The following GOLGA2 variants were observed in gnomAD, a reference collection of about 807,000 sequenced individuals.
GOLGA2 encodes golgin subfamily A member 2.
GOLGA2 carries 49 observed loss-of-function variants against 148.8 expected under a neutral mutation model. That is an observed-to-expected ratio of 0.33 (90% CI 0.26 to 0.42). The LOEUF (loss-of-function observed/expected upper bound fraction) is 0.42, where lower values mean the gene tolerates loss of function less well. Among genes scored for constraint, GOLGA2 ranks in the 10% least tolerant of loss-of-function variants. The probability of loss-of-function intolerance (pLI) is 1.00; values close to 1 mark genes in which losing one functional copy is unlikely to be tolerated. For missense variants in GOLGA2, 1,178 were observed against 1,304.6 expected, an observed-to-expected ratio of 0.90 and a Z score of 1.49; for synonymous variants, 501 against 511.8, an observed-to-expected ratio of 0.98 and a Z score of 0.28.
rs1004500057 is a variant in GOLGA2, at chr9:128,271,243, C to T, written c.288+1542G>A. On this transcript the variant is annotated intron_variant, in intron 3 of 26. Coordinates refer to ENST00000611957, the MANE Select transcript of GOLGA2 (RefSeq NM_001366244.2). The surrounding 1 kb of genome is among the most constrained non-coding windows in gnomAD (Gnocchi z 4.4). ...TCTAAGCCTGTGCTCCCCAGCCGTA[C>T]CACTCAGCGTCTCCTCTGAGCTGGC... Among the ~76,000 whole-genome samples, 2 of 152,156 alleles carry T rather than the reference C, an allele frequency of 1.3e-5. No individual in the cohort carries two copies. Among genetic ancestry groups the T allele is most frequent in the African/African-American group, 2.4e-5 (1 of 41,434 alleles).
rs1422189293 is a variant in GOLGA2, at chr9:128,271,049, CA to C, written c.288+1735del. 6.6e-6 allele frequency among the ~76,000 whole-genome samples: 1 copy of C among 152,072 alleles called. No homozygotes were observed. The highest frequency in any genetic ancestry group is 1.5e-5 in the Non-Finnish European group (1 of 67,990). ...AAAGAGCAAGACTCTTTCTCAAAAA[CA>C]AAAACAAAACAGCAAGAAGGAAATA... On this transcript the variant is annotated intron_variant, in intron 3 of 26. Coordinates refer to ENST00000611957, the MANE Select transcript of GOLGA2 (RefSeq NM_001366244.2). The surrounding 1 kb of genome is among the most constrained non-coding windows in gnomAD (Gnocchi z 4.4).
intron 19 of GOLGA2, among the ~76,000 whole-genome samples, chr9:128,259,822 T>G (rs572825994): frequency 7.2e-5 from 11 of 152,372 alleles, no homozygotes; most frequent in Admixed American, 7.2e-4. Context: ...GAGCCTCTTA[T>G]GCCGCTGTCT....
Position 128,261,060 on chromosome 9 carries a change from T to C in GOLGA2, c.1420+112A>G. The stretch of plus-strand genomic sequence containing the variant: ...TTGCCATCTCCTGGCACAGACCTCT[T>C]TCCCTCTGCCTCAAAGCCATTCCAT... On this transcript the variant is annotated intron_variant, in intron 17 of 26. Transcript: ENST00000611957. The surrounding 1 kb of genome is among the most constrained non-coding windows in gnomAD (Gnocchi z 5.7). The C allele has an allele frequency of 6.2e-6, 5 of 812,372 alleles. 1 individual carries two copies. The highest frequency in any genetic ancestry group is 6.5e-6 in the Non-Finnish European group (3 of 462,720). The allele number at this position is 812,372 out of a possible 1,614,324, so 50.3% of individuals were successfully genotyped here.
In GOLGA2 at chr9:128,262,536, A is replaced by C. The variant is rs1588482453; in HGVS notation, c.1134+27T>G. The stretch of plus-strand genomic sequence containing the variant: ...ATGGCCCCAGCTGGATGGCGCTCCC[A>C]CCACCCATGGGGCTGCAGCCTCTTG... On this transcript the variant is annotated intron_variant, in intron 14 of 26. Coordinates refer to ENST00000611957, the MANE Select transcript of GOLGA2 (RefSeq NM_001366244.2). The C allele has an allele frequency of 1.9e-6, 3 of 1,607,460 alleles. No homozygotes were observed. The East Asian group carries it at 6.7e-5, about 36-fold the overall frequency.
In GOLGA2 at chr9:128,256,634, C is replaced by A. The variant is rs933929933; in HGVS notation, c.*433G>T. 6.5e-6 allele frequency: 1 copy of A among 154,044 alleles called. No homozygotes were observed. Among genetic ancestry groups the A allele is most frequent in the African/African-American group, 2.4e-5 (1 of 41,392 alleles). The allele number at this position is 154,044 out of a possible 1,614,324, so 9.5% of individuals were successfully genotyped here. A position where few individuals can be genotyped will look rare whatever the true frequency, so the allele number is the denominator to read the frequency against. On this transcript the variant is annotated 3_prime_UTR_variant, in exon 27 of 27. Coordinates refer to ENST00000611957, the MANE Select transcript of GOLGA2 (RefSeq NM_001366244.2). ...CAAGCGATTCTCCTGCCTCAGCCTCCCGAGTAGCTGGGATTACAGGCACGT... is the reference window on the plus strand; with the variant it reads ...CAAGCGATTCTCCTGCCTCAGCCTCACGAGTAGCTGGGATTACAGGCACGT...
In GOLGA2 at chr9:128,261,917, T is replaced by G; in HGVS notation, c.1135-160A>C. On this transcript the variant is annotated intron_variant, in intron 14 of 26. Coordinates refer to ENST00000611957, the MANE Select transcript of GOLGA2 (RefSeq NM_001366244.2). This position sits in a 1 kb window ranked among gnomAD's most constrained non-coding sequence, Gnocchi z 5.7. Reference sequence around the variant, plus strand: ...GAAATAAAAAATAATTTTAAAAAGATCTCAGGCCAGGCATGGTGGCTGATG... The same window carrying G: ...GAAATAAAAAATAATTTTAAAAAGAGCTCAGGCCAGGCATGGTGGCTGATG... 1.7e-6 allele frequency: 1 copy of G among 597,864 alleles called. No individual in the cohort carries two copies. Among genetic ancestry groups the G allele is most frequent in the South Asian group, 2.1e-5 (1 of 48,494 alleles). The allele number at this position is 597,864 out of a possible 1,614,324, so 37.0% of individuals were successfully genotyped here.
rs201745836 is a variant in GOLGA2, at chr9:128,268,397, G to A, written c.393+23C>T. Reference sequence around the variant, plus strand: ...CATAATAGGTACAGGAGGGCAGTGGGCAGAGGGGGAGGAGGCACGAACCTG... The same window carrying A: ...CATAATAGGTACAGGAGGGCAGTGGACAGAGGGGGAGGAGGCACGAACCTG... On this transcript the variant is annotated intron_variant, in intron 4 of 26. Coordinates refer to ENST00000611957, the MANE Select transcript of GOLGA2 (RefSeq NM_001366244.2). 5.6e-5 allele frequency: 73 copies of A among 1,307,808 alleles called. No individual in the cohort carries two copies. The East Asian group carries it at 1.6e-3, about 29-fold the overall frequency. The allele number at this position is 1,307,808 out of a possible 1,614,324, so 81.0% of individuals were successfully genotyped here.
chr9:128,275,260 G>C (rs192831308), intron 1 of GOLGA2: 33 of 618,044 alleles, frequency 5.3e-5, no homozygotes, highest in Admixed American at 3.4e-4. Context: ...AGAGGAACCA[G>C]AAGCGGGATG....
At position 128,268,424 on chromosome 9, in the gene GOLGA2, G is replaced by C; in HGVS notation, c.389C>G (p.Ser130Cys). Residue 130 changes from serine (S) to cysteine (C), a missense_variant, in exon 4 of 27, where the codon TCT becomes TGT. Around this residue, in one of 5 missense-constraint regions of GOLGA2, gnomAD observed 304 missense variants for 404.1 expected, o/e 0.75. Coordinates refer to ENST00000611957, the MANE Select transcript of GOLGA2 (RefSeq NM_001366244.2). ...PGASLTSMAA[S>C]QNHDADNVPN... ...AGAGGGGGAGGAGGCACGAACCTGA[G>C]ATGCCGCCATGCTAGTGAGACTGGC... 4.4e-6 allele frequency: 7 copies of C among 1,579,244 alleles called. No homozygotes were observed. The highest frequency in any genetic ancestry group is 6.1e-6 in the Non-Finnish European group (7 of 1,148,594).
At chr9:128,262,809 G>C in intron 13 of GOLGA2, 105 bp from the exon 14 acceptor site, 1 of 1,109,934 alleles carries the variant, frequency 9.0e-7, no homozygotes, top group East Asian at 2.4e-5. Context: ...TGTGGCACTG[G>C]AAGGAACCCC....
chr9:128,262,420 T>C (rs1830327740), intron 14 of GOLGA2, 143 bp downstream of exon 14: 2 of 659,124 alleles, frequency 3.0e-6, no homozygotes, highest in Non-Finnish European at 5.2e-6. Context: ...TTTAGCACTC[T>C]CTAGAGGATT....
rs371769558 is a variant in GOLGA2 at position 128,268,479 on chromosome 9, C to T, written c.334G>A (p.Val112Met). The change falls in exon 4 of 27, where the codon GTG becomes ATG. Residue 112 changes from valine (V) to methionine (M), a missense_variant. By Grantham distance (21) the Val-to-Met change is conservative (BLOSUM62 1). Transcript: ENST00000611957. The stretch of plus-strand genomic sequence containing the variant: ...GGGGAAGGGACACCGCCAGGTAACA[C>T]GGTGTCATCAGATGGTTGTAGAGTA... ...AATLQPSDDT[V>M]LPGGVPSPGA... 119 of 1,612,228 alleles carry T rather than the reference C, an allele frequency of 7.4e-5. No individual in the cohort carries two copies. Among genetic ancestry groups the T allele is most frequent in the Non-Finnish European group, 9.5e-5 (112 of 1,179,086 alleles).
In GOLGA2 at chr9:128,258,533, C is replaced by G. The variant is rs143073995; in HGVS notation, c.2211G>C (p.Glu737Asp). Residue 737 changes from glutamate (E) to aspartate (D), a missense_variant, in exon 22 of 27, where the codon GAG becomes GAC. Physicochemically the swap from Glu to Asp is conservative, Grantham distance 45. Coordinates refer to ENST00000611957, the MANE Select transcript of GOLGA2 (RefSeq NM_001366244.2). This position sits in a 1 kb window ranked among gnomAD's most constrained non-coding sequence, Gnocchi z 6.6. ...GLDREEEEDE[E>D]EEEEEAVAVP... ...CTGCCACCGCCTCCTCCTCCTCCTC[C>G]TCCTCATCCTCCTCCTCCTCCCGGT... is the stretch of plus-strand genomic sequence containing the variant. 3 of 1,575,594 alleles carry G rather than the reference C, an allele frequency of 1.9e-6. No homozygotes were observed. Among genetic ancestry groups the G allele is most frequent in the Non-Finnish European group, 2.6e-6 (3 of 1,165,338 alleles).
chr9:128,257,730 TGCTGGGTTCCCTCCGACC>T lies in GOLGA2; in HGVS notation c.2612-41_2612-24del. On this transcript the variant is annotated intron_variant, in intron 24 of 26. Coordinates refer to ENST00000611957, the MANE Select transcript of GOLGA2 (RefSeq NM_001366244.2). This position sits in a 1 kb window ranked among gnomAD's most constrained non-coding sequence, Gnocchi z 8.0. ...CTCCTGCGGGAGGACAGGGCTCAGA[TGCTGGGTTCCCTCCGACC>T]GCTGTGCAGCTCCTCCTGCCGTGCC... 6.2e-7 allele frequency: 1 copy of T among 1,611,724 alleles called. No individual in the cohort carries two copies. Among genetic ancestry groups the T allele is most frequent in the East Asian group, 2.2e-5 (1 of 44,846 alleles).
chr9:128,257,005 G>T lies in GOLGA2; in HGVS notation c.*62C>A. 1 of 1,223,230 alleles carries T rather than the reference G, an allele frequency of 8.2e-7. No homozygotes were observed. Among genetic ancestry groups the T allele is most frequent in the Non-Finnish European group, 1.2e-6 (1 of 840,378 alleles). The allele number at this position is 1,223,230 out of a possible 1,614,324, so 75.8% of individuals were successfully genotyped here. A position where few individuals can be genotyped will look rare whatever the true frequency, so the allele number is the denominator to read the frequency against. ...GGGTTGACTGAGAAGGGATGGTAGGGATATGGTGGGGGCAGGGTATCCAGC... is the reference window on the plus strand; with the variant it reads ...GGGTTGACTGAGAAGGGATGGTAGGTATATGGTGGGGGCAGGGTATCCAGC... On this transcript the variant is annotated 3_prime_UTR_variant, in exon 27 of 27. Transcript: ENST00000611957. The surrounding 1 kb of genome is among the most constrained non-coding windows in gnomAD (Gnocchi z 8.0).
rs41276658 is a variant in GOLGA2, at chr9:128,259,154, C to T, written c.2097+13G>A. 4.2e-4 allele frequency: 681 copies of T among 1,604,620 alleles called. 1 individual carries two copies. Among genetic ancestry groups the T allele is most frequent in the Non-Finnish European group, 5.3e-4 (625 of 1,173,590 alleles). On this transcript the variant is annotated intron_variant, in intron 20 of 26. Coordinates refer to ENST00000611957, the MANE Select transcript of GOLGA2 (RefSeq NM_001366244.2). ...TGTCCCCCTCGGGGCCCTGCCCTCA[C>T]CAACTCCCTCACCTGGGTTTCCTGC...
Position 128,260,380 on chromosome 9 carries a change from G to A in GOLGA2, c.1758+85C>T. On this transcript the variant is annotated intron_variant, in intron 18 of 26. Coordinates refer to ENST00000611957, the MANE Select transcript of GOLGA2 (RefSeq NM_001366244.2). The surrounding 1 kb of genome is among the most constrained non-coding windows in gnomAD (Gnocchi z 4.8). The stretch of plus-strand genomic sequence containing the variant: ...TCCAGAAGTACCATTTCAAGTGAGG[G>A]CTACACTGCCCCACTTTACAGGTGG... 2 of 1,202,544 alleles carry A rather than the reference G, an allele frequency of 1.7e-6. No individual in the cohort carries two copies. Among genetic ancestry groups the A allele is most frequent in the Non-Finnish European group, 1.2e-6 (1 of 824,626 alleles). The allele number at this position is 1,202,544 out of a possible 1,614,324, so 74.5% of individuals were successfully genotyped here.
chr9:128,269,201 G>A (rs1262101970), intron 3 of GOLGA2, among the ~76,000 whole-genome samples: 1 of 151,972 alleles, frequency 6.6e-6, no homozygotes, highest in African/African-American at 2.4e-5. Context: ...GATCCACCTT[G>A]GTCTCCCAAA....
At position 128,260,434 on chromosome 9, in the gene GOLGA2, G is replaced by A. The variant is rs375626133; in HGVS notation, c.1758+31C>T. On this transcript the variant is annotated intron_variant, in intron 18 of 26. Transcript: ENST00000611957. This position sits in a 1 kb window ranked among gnomAD's most constrained non-coding sequence, Gnocchi z 4.8. ...AACAAAGGTCTGGAGGGCTAGGGAGGAGGGCGGGCTCTCCAGGTGGGGCAG... is the reference window on the plus strand; with the variant it reads ...AACAAAGGTCTGGAGGGCTAGGGAGAAGGGCGGGCTCTCCAGGTGGGGCAG... 2.3e-5 allele frequency: 36 copies of A among 1,551,692 alleles called. No individual in the cohort carries two copies. In the African/African-American group the frequency reaches 4.3e-4, roughly 19 times the overall value.
Sources: gnomAD v4.1 joint callset for allele counts (sites outside exome capture counted in the v4.1 genomes callset) on GRCh38, gnomAD v4.1.1 for gene constraint, gnomAD v4.1.1 regional missense constraint, Gnocchi (gnomAD v3.1) non-coding constraint, MANE v1.5 for transcripts, NCBI Gene and HGNC (gene_info 2026-07-23, HGNC 2026-07-21) for gene names.